Variants in INSR observed in about 807,000 individuals in gnomAD.
INSR encodes insulin receptor, also known as IR.
Under a neutral mutation model 142.6 loss-of-function variants are expected in INSR, and 67 were observed. That is an observed-to-expected ratio of 0.47 (90% CI 0.39 to 0.58). The LOEUF is 0.58. INSR is among the 20% of genes least tolerant of loss of function. INSR has a pLI of 0.00. For synonymous variants in INSR, 756 were observed against 743.1 expected (o/e 1.02, Z -0.28); for missense variants, 1,248 against 1,833.2 (o/e 0.68, Z 5.83).
Position 7,119,435 on chromosome 19 carries a change from C to G in INSR, c.3794+14G>C. 1 of 1,613,994 alleles carries G rather than the reference C, an allele frequency of 6.2e-7. No homozygotes were observed. Among genetic ancestry groups the G allele is most frequent in the East Asian group, 2.2e-5 (1 of 44,898 alleles). On this transcript the variant is annotated intron_variant, in intron 21 of 21. Transcript: ENST00000302850. This position sits in a 1 kb window ranked among gnomAD's most constrained non-coding sequence, Gnocchi z 5.2. ...ACGAACACCTCACACACCTTAAACC[C>G]TTTCTACACTTACACTCTCTCTGGA...
chr19:7,136,849 T>TATATATATATATATATATATATATA (rs1568437888), intron 13 of INSR, among the ~76,000 whole-genome samples: 2 of 126,138 alleles, frequency 1.6e-5, no homozygotes, highest in African/African-American at 7.6e-5. Context: ...ATATATATAT[T>TATATATATATATATATATATATATA]GAGATGGTGT....
intron 3 of INSR, among the ~76,000 whole-genome samples, chr19:7,181,090 A>C (rs1974263683): frequency 6.6e-6 from 1 of 151,748 alleles, no homozygotes; most frequent in African/African-American, 2.4e-5. Context: ...ACAGGCGCCC[A>C]CTGTAATCCC....
intron 1 of INSR, among the ~76,000 whole-genome samples, chr19:7,271,478 G>A (rs548570042): frequency 2.0e-5 from 3 of 152,126 alleles, no homozygotes; most frequent in African/African-American, 7.2e-5. Flanking sequence ...CTGGGCGACA[G>A]AGCGAGACTC....
At chr19:7,257,972 G>A (rs1161778737) in intron 2 of INSR, among the ~76,000 whole-genome samples, 9 of 152,144 alleles carry the variant, frequency 5.9e-5, no homozygotes, top group East Asian at 1.9e-4. Flanking sequence ...ACAGGTGCCC[G>A]CCACCACGCT....
At chr19:7,290,636 G>A (rs1298361873) in intron 1 of INSR, among the ~76,000 whole-genome samples, 1 of 151,972 alleles carries the variant, frequency 6.6e-6, no homozygotes, top group Admixed American at 6.6e-5. Context: ...AGCCAAGGGT[G>A]GTGATACACG....
chr19:7,140,271 T>C (rs16994173), intron 13 of INSR, among the ~76,000 whole-genome samples: 2,805 of 152,312 alleles, frequency 0.018, 49 homozygotes, highest in African/African-American at 0.044. Context: ...GACATTTTGC[T>C]GTAATCTCTG....
At chr19:7,134,820 TAATA>T (rs1416983947) in intron 13 of INSR, among the ~76,000 whole-genome samples, 1 of 151,522 alleles carries the variant, frequency 6.6e-6, no homozygotes. Context: ...TAAAATAAAA[TAATA>T]AATAAATAAA....
rs546177328 is a variant in INSR at position 7,247,316 on chromosome 19, A to G, written c.652+20029T>C. ...GCACTGTTCTCTGTTCCCAGAGAGG[A>G]GAAGCCAGGAAGGAGCTGACACATT... On this transcript the variant is annotated intron_variant, in intron 2 of 21. Transcript: ENST00000302850. 3.3e-5 allele frequency among the ~76,000 whole-genome samples: 5 copies of G among 152,268 alleles called. No homozygotes were observed. The South Asian group carries it at 1.0e-3, about 32-fold the overall frequency.
At chr19:7,224,243 A>ATT (rs11387492) in intron 2 of INSR, among the ~76,000 whole-genome samples, 10,156 of 137,308 alleles carry the variant, frequency 0.074, 1,189 homozygotes, top group African/African-American at 0.25. Flanking sequence ...CACCAGGCCA[A>ATT]TTTTTTTTTT....
At chr19:7,219,487 A>AGGGAAGCAAGGAGGGAGGGAG (rs1975535228) in intron 2 of INSR, among the ~76,000 whole-genome samples, 1 of 118,158 alleles carries the variant, frequency 8.5e-6, no homozygotes, top group African/African-American at 3.3e-5. Flanking sequence ...GAGGGAGGGA[A>AGGGAAGCAAGGAGGGAGGGAG]GGAAGGAAGG....
At chr19:7,195,569 G>C (rs1974721829) in intron 2 of INSR, among the ~76,000 whole-genome samples, 1 of 152,014 alleles carries the variant, frequency 6.6e-6, no homozygotes, top group African/African-American at 2.4e-5. Context: ...TTGAACCCAG[G>C]AGACAGAGGT....
chr19:7,201,463 A>G (rs968977467), intron 2 of INSR, among the ~76,000 whole-genome samples: 2 of 151,618 alleles, frequency 1.3e-5, no homozygotes, highest in Admixed American at 1.3e-4. Context: ...CTTCTCTACT[A>G]AAAATACAAA....
chr19:7,120,179 C>T (rs542008648), intron 20 of INSR, among the ~76,000 whole-genome samples: 1 of 152,338 alleles, frequency 6.6e-6, no homozygotes, highest in South Asian at 2.1e-4. Flanking sequence ...AACCATTTGT[C>T]TCTTATCTAC....
chr19:7,253,363 C>T (rs1022475917), intron 2 of INSR, among the ~76,000 whole-genome samples: 1 of 151,976 alleles, frequency 6.6e-6, no homozygotes, highest in Non-Finnish European at 1.5e-5. Context: ...CTCAGCCCCC[C>T]GAGTAGCTGG....
At chr19:7,128,136 A>T (rs1209371328) in intron 15 of INSR, among the ~76,000 whole-genome samples, 1 of 152,190 alleles carries the variant, frequency 6.6e-6, no homozygotes. Flanking sequence ...TCTGATATTT[A>T]AAAATTACCA....
At position 7,119,653 on chromosome 19, in the gene INSR, C is replaced by T. The variant is rs201814608; in HGVS notation, c.3660-70G>A. 1.4e-5 allele frequency: 21 copies of T among 1,531,496 alleles called. No homozygotes were observed. The highest frequency in any genetic ancestry group is 1.9e-5 in the Non-Finnish European group (21 of 1,122,136). 94.9% of individuals were successfully genotyped at this position (1,531,496 alleles called of 1,614,324 possible). On this transcript the variant is annotated intron_variant, in intron 20 of 21. Coordinates refer to ENST00000302850, the MANE Select transcript of INSR (RefSeq NM_000208.4). The surrounding 1 kb of genome is among the most constrained non-coding windows in gnomAD (Gnocchi z 5.2). ...ACACACACACACGCGCGCGCGCAAA[C>T]ACACACACGCAAACGCACACACACA...
intron 19 of INSR, among the ~76,000 whole-genome samples, chr19:7,121,371 C>T (rs1048176758): frequency 1.3e-5 from 2 of 152,160 alleles, no homozygotes; most frequent in Admixed American, 6.5e-5. Flanking sequence ...AAGATAATGT[C>T]GAGATGACTT....
At position 7,170,764 on chromosome 19, in the gene INSR, C is replaced by A; in HGVS notation, c.1269-13G>T. On this transcript the variant is annotated splice_polypyrimidine_tract_variant and intron_variant, in intron 5 of 21. Coordinates refer to ENST00000302850, the MANE Select transcript of INSR (RefSeq NM_000208.4). ...GAAGGAGTAGTTCCTATGGAAAAAA[C>A]ACACACATCTAGTCATTCAACGGCT... 1 of 1,593,686 alleles carries A rather than the reference C, an allele frequency of 6.3e-7. No homozygotes were observed. Among genetic ancestry groups the A allele is most frequent in the East Asian group, 2.2e-5 (1 of 44,764 alleles).
intron 13 of INSR, among the ~76,000 whole-genome samples, chr19:7,137,695 G>C (rs531617905): frequency 2.7e-5 from 4 of 146,154 alleles, no homozygotes; most frequent in Non-Finnish European, 6.0e-5. Flanking sequence ...GGCTGAGGCA[G>C]GAGAATCGCT....
Sources: allele counts gnomAD v4.1 joint callset (sites outside exome capture counted in the v4.1 genomes callset), GRCh38; gene constraint gnomAD v4.1.1; non-coding constraint Gnocchi (gnomAD v3.1); transcripts MANE v1.5; gene names NCBI Gene and HGNC (gene_info 2026-07-23, HGNC 2026-07-21).